Variants in LARP4 observed in about 807,000 individuals in gnomAD.
LARP4 encodes la-related protein 4.
In LARP4, 29 loss-of-function variants were observed where a neutral mutation model predicts 92.9. The ratio of observed to expected loss-of-function variants is 0.31; its 90% confidence interval spans 0.23 to 0.43. The LOEUF is 0.43. Ranked by LOEUF, LARP4 falls within the 20% of genes least tolerant of loss-of-function variation. The probability of loss-of-function intolerance (pLI) is 1.00; values close to 1 mark genes in which losing one functional copy is unlikely to be tolerated. For synonymous variants in LARP4, 279 were observed against 284.1 expected (o/e 0.98, Z 0.18); for missense variants, 732 against 860.0 (o/e 0.85, Z 1.86).
chr12:50,415,070 G>C (rs1216125094), intron 1 of LARP4, among the ~76,000 whole-genome samples: 1 of 152,088 alleles, frequency 6.6e-6, no homozygotes, highest in African/African-American at 2.4e-5. Context: ...CAGCATGGTG[G>C]CGCACACCTG....
intron 13 of LARP4, among the ~76,000 whole-genome samples, chr12:50,473,185 C>T (rs1436218876): frequency 2.0e-5 from 3 of 152,154 alleles, no homozygotes; most frequent in Non-Finnish European, 4.4e-5. Context: ...CATTGCCACC[C>T]TCTATGTATG....
At chr12:50,410,443 T>C (rs1945664761) in intron 1 of LARP4, among the ~76,000 whole-genome samples, 1 of 151,386 alleles carries the variant, frequency 6.6e-6, no homozygotes. Context: ...AATCTCGCTG[T>C]TGCCCAGGCT....
chr12:50,457,556 A>G (rs901905439), intron 10 of LARP4, among the ~76,000 whole-genome samples: 1 of 152,116 alleles, frequency 6.6e-6, no homozygotes, highest in Non-Finnish European at 1.5e-5. Flanking sequence ...GCTCATGCCT[A>G]TATTCCCCAC....
At chr12:50,442,871 T>C in intron 8 of LARP4, among the ~76,000 whole-genome samples, 1 of 152,196 alleles carries the variant, frequency 6.6e-6, no homozygotes, top group South Asian at 2.1e-4. Context: ...TTAAATCTCA[T>C]AATTGCTGTG....
At chr12:50,475,029 T>C (rs1048906098) in intron 15 of LARP4, among the ~76,000 whole-genome samples, 10 of 152,216 alleles carry the variant, frequency 6.6e-5, no homozygotes, top group Non-Finnish European at 1.0e-4. Flanking sequence ...TACTATATAT[T>C]ATTAGGACTA....
In LARP4 at chr12:50,474,169, T is replaced by G; in HGVS notation, c.1836+2T>G. ...GCAGCTACAGCTGTGGCTCTACAGG[T>G]AACTTGAAGATTTTAGTTTATGTTA... On this transcript the variant is annotated splice_donor_variant, in intron 15 of 15. Coordinates refer to ENST00000398473, the MANE Select transcript of LARP4 (RefSeq NM_052879.5). LOFTEE classifies it high-confidence loss of function. 6.3e-7 allele frequency: 1 copy of G among 1,589,304 alleles called. No homozygotes were observed.
chr12:50,441,498 T>C (rs1017525981), intron 7 of LARP4, 92 bp from the exon 8 acceptor site: 18 of 923,818 alleles, frequency 1.9e-5, no homozygotes, highest in Non-Finnish European at 3.0e-5. Flanking sequence ...ATTTTGTTTT[T>C]ATAGTTTAAT....
At position 50,476,476 on chromosome 12, in the gene LARP4, T is replaced by C. The variant is rs943389061; in HGVS notation, c.*612T>C. ...AAACTGAATGTAATACTTGAGTAGA[T>C]TTTTTTTTCTAGTTTGAAATTTAGT... On this transcript the variant is annotated 3_prime_UTR_variant, in exon 16 of 16. Transcript: ENST00000398473. 1 of 152,096 alleles carries C rather than the reference T, an allele frequency of 6.6e-6. No individual in the cohort carries two copies. 9.4% of individuals were successfully genotyped at this position (152,096 alleles called of 1,614,324 possible). A position where few individuals can be genotyped will look rare whatever the true frequency, so the allele number is the denominator to read the frequency against.
chr12:50,458,290 TG>T (rs1383133324), intron 10 of LARP4, among the ~76,000 whole-genome samples: 1 of 151,966 alleles, frequency 6.6e-6, no homozygotes, highest in Non-Finnish European at 1.5e-5. Flanking sequence ...TTTTGTTTTT[TG>T]TTTGTTTTTG....
intron 8 of LARP4, among the ~76,000 whole-genome samples, chr12:50,452,977 A>G (rs951547568): frequency 4.6e-5 from 7 of 151,848 alleles, no homozygotes; most frequent in Admixed American, 4.6e-4. Flanking sequence ...TAGTGCGATC[A>G]TAGCTCACAG....
rs753746536 is a variant in LARP4, at chr12:50,467,128, C to T, written c.1545+8C>T. On this transcript the variant is annotated splice_region_variant and intron_variant, in intron 13 of 15. Coordinates refer to ENST00000398473, the MANE Select transcript of LARP4 (RefSeq NM_052879.5). ...GGTGTCTACAAAGAAAAGGTAAACA[C>T]CCAGCATCTGAGTCTTACCTTATGA... is the stretch of plus-strand genomic sequence containing the variant. 6.3e-7 allele frequency: 1 copy of T among 1,589,118 alleles called. No individual in the cohort carries two copies. Among genetic ancestry groups the T allele is most frequent in the African/African-American group, 1.3e-5 (1 of 74,682 alleles).
intron 1 of LARP4, among the ~76,000 whole-genome samples, chr12:50,426,684 GGTGTGTGTGTGTGTGTGTGTGTGTGT>G (rs762987529): frequency 1.3e-4 from 11 of 86,174 alleles, no homozygotes; most frequent in South Asian, 5.7e-4. Context: ...TTATGTTTGG[GGTGTGTGTGTGTGTGTGTGTGTGTGT>G]GTGTGTGTGT....
At chr12:50,419,266 A>G (rs541718323) in intron 1 of LARP4, among the ~76,000 whole-genome samples, 1 of 152,256 alleles carries the variant, frequency 6.6e-6, no homozygotes, top group Admixed American at 6.5e-5. Context: ...TGGGAGGCTG[A>G]GAAGTTGGAG....
chr12:50,402,697 G>A (rs181476002), intron 1 of LARP4: 8 of 445,016 alleles, frequency 1.8e-5, no homozygotes, highest in Admixed American at 1.2e-4. Flanking sequence ...AGCCCCAGAG[G>A]TTAAAGTAAC....
chr12:50,426,730 T>TGG (rs1205815086), intron 1 of LARP4, among the ~76,000 whole-genome samples: 1 of 88,980 alleles, frequency 1.1e-5, no homozygotes. Context: ...TGTGTGTGTG[T>TGG]GGTTTTTTTT....
rs1222224261 is a variant in LARP4, at chr12:50,409,496, C to G, written c.18+8468C>G. The stretch of plus-strand genomic sequence containing the variant: ...CCAACCAGGGCCAGGTGCAGTGGCT[C>G]ATGCCTGTAATCCCAGCACTTTGGG... On this transcript the variant is annotated intron_variant, in intron 1 of 15. Coordinates refer to ENST00000398473, the MANE Select transcript of LARP4 (RefSeq NM_052879.5). 2.0e-5 allele frequency among the ~76,000 whole-genome samples: 3 copies of G among 152,248 alleles called. No individual in the cohort carries two copies. In the East Asian group the frequency reaches 5.8e-4, roughly 29 times the overall value.
chr12:50,474,061 A>G lies in LARP4; in HGVS notation c.1730A>G (p.Gln577Arg). Residue 577 changes from glutamine to arginine, a missense_variant, in exon 15 of 16, where the codon CAG (glutamine) becomes CGG (arginine). Gln to Arg is a conservative substitution (Grantham distance 43). Transcript: ENST00000398473. ...TCTGTTCAGAAGGATGGTCTCAATC[A>G]GACAACTATACCAGTTTCTCCTCCA... ...DSSVQKDGLN[Q>R]TTIPVSPPST... 1 of 1,612,412 alleles carries G rather than the reference A, an allele frequency of 6.2e-7. No homozygotes were observed.
chr12:50,470,512 C>A (rs1488735760), intron 13 of LARP4, among the ~76,000 whole-genome samples: 1 of 151,878 alleles, frequency 6.6e-6, no homozygotes, highest in African/African-American at 2.4e-5. Flanking sequence ...CGGCTCACTG[C>A]AACCTCCATC....
chr12:50,415,988 TGAG>T (rs1946717953), intron 1 of LARP4, among the ~76,000 whole-genome samples: 2 of 152,114 alleles, frequency 1.3e-5, no homozygotes, highest in African/African-American at 4.8e-5. Context: ...ATTATAGGCG[TGAG>T]CCACCGCCCC....
Sources: gnomAD v4.1 joint callset for allele counts (sites outside exome capture counted in the v4.1 genomes callset) on GRCh38, gnomAD v4.1.1 for gene constraint, MANE v1.5 for transcripts, NCBI Gene and HGNC (gene_info 2026-07-23, HGNC 2026-07-21) for gene names.